NFIA: variants seen among roughly 807,000 people sequenced by gnomAD.
NFIA encodes nuclear factor 1 A-type.
In NFIA, 8 loss-of-function variants were observed where a neutral mutation model predicts 62.8. The ratio of observed to expected loss-of-function variants is 0.13; its 90% confidence interval spans 0.07 to 0.23. The LOEUF (loss-of-function observed/expected upper bound fraction) is 0.23, where lower values mean the gene tolerates loss of function less well. Among genes scored for constraint, NFIA ranks in the 10% least tolerant of loss-of-function variants. The pLI, the probability that NFIA is intolerant of heterozygous loss-of-function variation, is 1.00. For synonymous variants in NFIA, 235 were observed against 238.1 expected, an observed-to-expected ratio of 0.99 and a Z score of 0.12; for missense variants, 410 against 642.1, an observed-to-expected ratio of 0.64 and a Z score of 3.91.
Position 61,289,621 on chromosome 1 carries a change from T to C in NFIA, c.625+12036T>C, listed in dbSNP as rs988296589. On this transcript the variant is annotated intron_variant, in intron 3 of 10. Coordinates refer to ENST00000403491, the MANE Select transcript of NFIA (RefSeq NM_001134673.4). ...AGTTATTTAAACTCTTAAACTTTTATTTTCTAATGTATAAGGTGCGATGTC... is the reference window on the plus strand; with the variant it reads ...AGTTATTTAAACTCTTAAACTTTTACTTTCTAATGTATAAGGTGCGATGTC... Among the ~76,000 whole-genome samples, 13 of 152,366 alleles carry C rather than the reference T, an allele frequency of 8.5e-5. No homozygotes were observed. The East Asian group carries it at 1.3e-3, about 16-fold the overall frequency.
intron 2 of NFIA, among the ~76,000 whole-genome samples, chr1:61,097,515 C>T (rs182496849): frequency 6.6e-6 from 1 of 152,228 alleles, no homozygotes; most frequent in Non-Finnish European, 1.5e-5. Context: ...ACATTGCATT[C>T]ATGCTGTTGG....
intron 8 of NFIA, among the ~76,000 whole-genome samples, chr1:61,405,644 T>C (rs2100523365): frequency 6.6e-6 from 1 of 152,334 alleles, no homozygotes; most frequent in Middle Eastern, 3.4e-3. Context: ...ATCTGACTTC[T>C]AAATTATTAA....
chr1:61,424,741 T>C (rs1366598230), intron 9 of NFIA, among the ~76,000 whole-genome samples: 1 of 152,210 alleles, frequency 6.6e-6, no homozygotes, highest in Non-Finnish European at 1.5e-5. Flanking sequence ...TAGTCTCTCC[T>C]TTTCAATATA....
At chr1:61,145,683 A>G (rs1647874306) in intron 2 of NFIA, among the ~76,000 whole-genome samples, 1 of 152,292 alleles carries the variant, frequency 6.6e-6, no homozygotes, top group South Asian at 2.1e-4. Flanking sequence ...TGGGTGCATC[A>G]TGGGCACTCA....
intron 2 of NFIA, among the ~76,000 whole-genome samples, chr1:61,258,528 T>G (rs1355526726): frequency 2.6e-5 from 4 of 152,212 alleles, no homozygotes; most frequent in African/African-American, 9.6e-5. Context: ...ATGGTTGTTT[T>G]ACTTCCTCAT....
chr1:61,342,177 G>A (rs924468163), intron 4 of NFIA, among the ~76,000 whole-genome samples: 1 of 151,538 alleles, frequency 6.6e-6, no homozygotes. Context: ...AGTTATTGGT[G>A]GAAATATTGA....
At chr1:61,306,969 G>A (rs960114931) in intron 3 of NFIA, among the ~76,000 whole-genome samples, 2 of 152,126 alleles carry the variant, frequency 1.3e-5, no homozygotes, top group Admixed American at 6.5e-5. Flanking sequence ...GCCTTCCTCT[G>A]TCACATCTAA....
chr1:61,402,706 A>G (rs750970020), intron 7 of NFIA, among the ~76,000 whole-genome samples: 12 of 152,338 alleles, frequency 7.9e-5, no homozygotes, highest in Admixed American at 4.6e-4. Flanking sequence ...GTAGGAGCCT[A>G]TGAATATTTA....
At chr1:61,453,163 C>T (rs1356110997) in intron 10 of NFIA, among the ~76,000 whole-genome samples, 2 of 152,072 alleles carry the variant, frequency 1.3e-5, no homozygotes, top group African/African-American at 4.8e-5. Context: ...ATAAATACTT[C>T]AATGTGTTTG....
At chr1:61,242,412 G>A (rs1655402242) in intron 2 of NFIA, among the ~76,000 whole-genome samples, 1 of 152,140 alleles carries the variant, frequency 6.6e-6, no homozygotes, top group African/African-American at 2.4e-5. Context: ...AGGGAAGATA[G>A]TTTGAACTTA....
At chr1:61,116,416 G>C (rs1210134443) in intron 2 of NFIA, among the ~76,000 whole-genome samples, 1 of 152,178 alleles carries the variant, frequency 6.6e-6, no homozygotes, top group African/African-American at 2.4e-5. Flanking sequence ...AGTTGGCTCT[G>C]AAACTGTGCT....
At chr1:61,312,526 T>C in intron 3 of NFIA, among the ~76,000 whole-genome samples, 1 of 152,066 alleles carries the variant, frequency 6.6e-6, no homozygotes, top group Non-Finnish European at 1.5e-5. Flanking sequence ...TTTTTTTTTT[T>C]TGAGACAGGA....
intron 2 of NFIA, among the ~76,000 whole-genome samples, chr1:61,193,928 A>G (rs996530437): frequency 1.3e-5 from 2 of 152,190 alleles, no homozygotes; most frequent in African/African-American, 2.4e-5. Flanking sequence ...GGCTTTGTCT[A>G]CATACATCCA....
intron 9 of NFIA, among the ~76,000 whole-genome samples, chr1:61,414,032 G>C (rs977943147): frequency 6.6e-6 from 1 of 151,738 alleles, no homozygotes; most frequent in Non-Finnish European, 1.5e-5. Flanking sequence ...ACCCAGGCTG[G>C]AGTGCAGTGG....
chr1:61,390,499 T>C (rs935339278), intron 7 of NFIA, among the ~76,000 whole-genome samples: 3 of 152,338 alleles, frequency 2.0e-5, no homozygotes, highest in Non-Finnish European at 2.9e-5. Context: ...TTATATGCTC[T>C]ATAAACCTCT....
At chr1:61,196,954 G>T (rs1033544296) in intron 2 of NFIA, among the ~76,000 whole-genome samples, 1 of 151,308 alleles carries the variant, frequency 6.6e-6, no homozygotes, top group South Asian at 2.1e-4. Context: ...CGCGCGCGCT[G>T]TGTGTGTGTG....
intron 2 of NFIA, among the ~76,000 whole-genome samples, chr1:61,217,734 G>T (rs1347283234): frequency 2.0e-5 from 3 of 152,184 alleles, no homozygotes; most frequent in Admixed American, 2.0e-4. Context: ...CAGTCTTACT[G>T]CAGAATGAGA....
At chr1:61,108,696 C>A (rs1405135265) in intron 2 of NFIA, among the ~76,000 whole-genome samples, 7 of 151,374 alleles carry the variant, frequency 4.6e-5, no homozygotes, top group Non-Finnish European at 8.9e-5. Flanking sequence ...AGAGTTAATG[C>A]CTTAATATTT....
At chr1:61,077,939 G>A (rs1237617460), upstream of NFIA, among the ~76,000 whole-genome samples, 1 of 151,708 alleles carries the variant, frequency 6.6e-6, no homozygotes, top group Non-Finnish European at 1.5e-5. Context: ...CCAGAAAGGG[G>A]TGGGGGGAAA....
Sources: allele counts gnomAD v4.1 joint callset (sites outside exome capture counted in the v4.1 genomes callset), GRCh38; gene constraint gnomAD v4.1.1; transcripts MANE v1.5; gene names NCBI Gene and HGNC (gene_info 2026-07-23, HGNC 2026-07-21).